The following CACNA1D variants were observed in gnomAD, a reference collection of about 807,000 sequenced individuals.
CACNA1D encodes voltage-dependent L-type calcium channel subunit alpha-1D.
In CACNA1D, 55 loss-of-function variants were observed where a neutral mutation model predicts 257.1. That is an observed-to-expected ratio of 0.21 (90% CI 0.17 to 0.27). The LOEUF is 0.27. Ranked by LOEUF, CACNA1D falls within the 10% of genes least tolerant of loss-of-function variation. The pLI is 1.00. For synonymous variants in CACNA1D, 980 were observed against 1,014.9 expected (o/e 0.97, Z 0.65); for missense variants, 1,876 against 2,784.0 (o/e 0.67, Z 7.34).
intron 3 of CACNA1D, among the ~76,000 whole-genome samples, chr3:53,547,261 C>T (rs80204837): frequency 6.6e-6 from 1 of 152,150 alleles, no homozygotes; most frequent in African/African-American, 2.4e-5. Flanking sequence ...GCTTGCCCCC[C>T]ATTCATTTGT....
chr3:53,788,239 G>T (rs2095466171), intron 40 of CACNA1D, among the ~76,000 whole-genome samples: 1 of 152,174 alleles, frequency 6.6e-6, no homozygotes, highest in African/African-American at 2.4e-5. Context: ...TGCAACCTCT[G>T]CTCTACCCAG....
chr3:53,537,132 T>C (rs1468713991), intron 3 of CACNA1D, among the ~76,000 whole-genome samples: 1 of 152,230 alleles, frequency 6.6e-6, no homozygotes, highest in African/African-American at 2.4e-5. Context: ...CATTGTCCTT[T>C]ATTCCAATTC....
chr3:53,802,034 C>G, intron 42 of CACNA1D, 113 bp from the exon 43 acceptor site: 1 of 924,348 alleles, frequency 1.1e-6, no homozygotes, highest in South Asian at 1.3e-5. Flanking sequence ...GATGGCGAAT[C>G]ATAATTTGCT....
At chr3:53,775,001 G>A (rs968448728) in intron 34 of CACNA1D, among the ~76,000 whole-genome samples, 2 of 152,190 alleles carry the variant, frequency 1.3e-5, no homozygotes, top group Admixed American at 6.5e-5. Flanking sequence ...ACTTGAACAC[G>A]ACCAGGAAGA....
chr3:53,689,681 A>G (rs1488091743), intron 8 of CACNA1D, among the ~76,000 whole-genome samples: 1 of 152,062 alleles, frequency 6.6e-6, no homozygotes, highest in Non-Finnish European at 1.5e-5. Flanking sequence ...TTTTATAGAG[A>G]CAGGTCTTGC....
intron 8 of CACNA1D, among the ~76,000 whole-genome samples, chr3:53,674,946 A>G (rs2094359879): frequency 6.6e-6 from 1 of 152,058 alleles, no homozygotes; most frequent in South Asian, 2.1e-4. Context: ...CGGGGAAGTG[A>G]TGTCTTCATG....
At chr3:53,535,926 G>T (rs373153159) in intron 3 of CACNA1D, among the ~76,000 whole-genome samples, 1 of 152,204 alleles carries the variant, frequency 6.6e-6, no homozygotes, top group Non-Finnish European at 1.5e-5. Flanking sequence ...TGCCTTCTAG[G>T]TGGTGGGGAA....
chr3:53,537,334 C>T (rs1269873851), intron 3 of CACNA1D, among the ~76,000 whole-genome samples: 1 of 152,162 alleles, frequency 6.6e-6, no homozygotes, highest in African/African-American at 2.4e-5. Flanking sequence ...GTGTACCCAT[C>T]ATTCAGCTTT....
chr3:53,783,228 T>C (rs2095435328), intron 39 of CACNA1D: 1 of 152,346 alleles, frequency 6.6e-6, no homozygotes, highest in African/African-American at 2.4e-5. Flanking sequence ...GACTCCCACA[T>C]TGATGCCCAT....
At chr3:53,513,687 A>G (rs1354947178) in intron 3 of CACNA1D, among the ~76,000 whole-genome samples, 2 of 152,226 alleles carry the variant, frequency 1.3e-5, no homozygotes, top group East Asian at 1.9e-4. Context: ...TATAAAGTGT[A>G]TGGTAGTGTA....
chr3:53,749,777 T>A (rs1187604880), intron 27 of CACNA1D, among the ~76,000 whole-genome samples: 1 of 152,206 alleles, frequency 6.6e-6, no homozygotes, highest in Non-Finnish European at 1.5e-5. Context: ...TTAGTTGGGG[T>A]GCTGTGGCCA....
intron 14 of CACNA1D, 77 bp downstream of exon 14, chr3:53,724,076 A>C: frequency 8.8e-7 from 1 of 1,142,772 alleles, no homozygotes; most frequent in South Asian, 1.2e-5. Context: ...GTCTGCTCAC[A>C]CTCAGGAAGA....
At chr3:53,716,173 T>G (rs1396362321) in intron 9 of CACNA1D, among the ~76,000 whole-genome samples, 1 of 152,258 alleles carries the variant, frequency 6.6e-6, no homozygotes, top group Non-Finnish European at 1.5e-5. Context: ...AGCAAACTGT[T>G]AAAGATGGAA....
chr3:53,512,161 T>C (rs1163872020), intron 3 of CACNA1D, among the ~76,000 whole-genome samples: 1 of 152,226 alleles, frequency 6.6e-6, no homozygotes, highest in African/African-American at 2.4e-5. Flanking sequence ...AAATTCTGAA[T>C]TATTGAAATA....
At chr3:53,517,846 A>G (rs1348285561) in intron 3 of CACNA1D, among the ~76,000 whole-genome samples, 1 of 152,196 alleles carries the variant, frequency 6.6e-6, no homozygotes, top group Non-Finnish European at 1.5e-5. Flanking sequence ...ATAGGTATTT[A>G]CTGTGCTTGT....
At chr3:53,579,336 G>T (rs978340111) in intron 3 of CACNA1D, among the ~76,000 whole-genome samples, 1 of 152,148 alleles carries the variant, frequency 6.6e-6, no homozygotes, top group African/African-American at 2.4e-5. Flanking sequence ...AATCATAATT[G>T]CATTTCTCTT....
chr3:53,647,439 A>T (rs2094034087), intron 3 of CACNA1D, among the ~76,000 whole-genome samples: 1 of 152,180 alleles, frequency 6.6e-6, no homozygotes. Context: ...TTCTTCTGCC[A>T]TCCCAGTCTT....
chr3:53,691,859 T>C (rs1480813231), intron 8 of CACNA1D, among the ~76,000 whole-genome samples: 24 of 102,506 alleles, frequency 2.3e-4, no homozygotes, highest in Non-Finnish European at 4.0e-4. Flanking sequence ...ATATATAATA[T>C]ATATTATATA....
In CACNA1D at chr3:53,631,982, C is replaced by A. The variant is rs147212832; in HGVS notation, c.484-18797C>A. Among the ~76,000 whole-genome samples, 959 of 152,252 alleles carry A rather than the reference C, an allele frequency of 6.3e-3. 2 individuals are homozygous for A. Among genetic ancestry groups the A allele is most frequent in the Non-Finnish European group, 0.011 (755 of 68,010 alleles). On this transcript the variant is annotated intron_variant, in intron 3 of 47. Transcript: ENST00000350061. ...TAGATTGAGCATCATTCTTAAGGGC[C>A]CTGGGATTTTCAGAATGATAAAGGA...
Sources: allele counts gnomAD v4.1 joint callset (sites outside exome capture counted in the v4.1 genomes callset), GRCh38; gene constraint gnomAD v4.1.1; transcripts MANE v1.5; gene names NCBI Gene and HGNC (gene_info 2026-07-23, HGNC 2026-07-21).